The following USP42 variants were observed in gnomAD, a reference collection of about 807,000 sequenced individuals.
The protein encoded by USP42 is ubiquitin carboxyl-terminal hydrolase 42.
A neutral mutation model predicts 113.0 loss-of-function variants in USP42; 23 were observed. The observed-to-expected ratio is 0.20, with a 90% CI of 0.15 to 0.29. The LOEUF (loss-of-function observed/expected upper bound fraction) is 0.29, where lower values mean the gene tolerates loss of function less well. Ranked by LOEUF, USP42 falls within the 10% of genes least tolerant of loss-of-function variation. The pLI is 1.00. For synonymous variants in USP42, 933 were observed against 699.0 expected (o/e 1.33, Z -5.28); for missense variants, 2,174 against 1,779.8 (o/e 1.22, Z -3.99).
chr7:6,096,488 A>C, the USP42 span, among the ~76,000 whole-genome samples: 1 of 151,216 alleles, frequency 6.6e-6, no homozygotes, highest in African/African-American at 2.5e-5. Flanking sequence ...ATAACTTCTC[A>C]CGGGATGGAT....
intron 3 of USP42, among the ~76,000 whole-genome samples, chr7:6,128,550 G>C (rs1469546447): frequency 6.6e-6 from 1 of 152,040 alleles, no homozygotes; most frequent in African/African-American, 2.4e-5. Flanking sequence ...CGTATCGTTG[G>C]GTTGTGCTGT....
chr7:6,149,793 C>T lies in USP42; in HGVS notation c.1597C>T (p.Arg533Cys). 1 of 1,614,014 alleles carries T rather than the reference C, an allele frequency of 6.2e-7. No individual in the cohort carries two copies. The highest frequency in any genetic ancestry group is 8.5e-7 in the Non-Finnish European group (1 of 1,179,896). The change falls in exon 13 of 18, where the codon CGC becomes TGC. Residue 533 changes from arginine to cysteine, a missense_variant. By Grantham distance (180) the Arg-to-Cys change is radical (BLOSUM62 -3). Coordinates refer to ENST00000306177, the MANE Select transcript of USP42 (RefSeq NM_032172.3). Reference protein sequence around the residue: ...TISIHNKLPVRQCQSQPNLHS... With the variant: ...TISIHNKLPVCQCQSQPNLHS... Reference sequence around the variant, plus strand: ...CAGTATTCACAACAAGTTGCCTGTTCGCCAGTGTCAGTCTCAACCTAACCT... The same window carrying T: ...CAGTATTCACAACAAGTTGCCTGTTTGCCAGTGTCAGTCTCAACCTAACCT...
intron 3 of USP42, among the ~76,000 whole-genome samples, chr7:6,124,360 C>G (rs1486776821): frequency 2.0e-5 from 3 of 152,174 alleles, no homozygotes; most frequent in South Asian, 2.1e-4. Context: ...CTTCACTTCC[C>G]AGGTTCAAGT....
At position 6,153,830 on chromosome 7, in the gene USP42, C is replaced by A. The variant is rs756122796; in HGVS notation, c.2276C>A (p.Ser759Tyr). The change falls in exon 15 of 18, where the codon TCC becomes TAC. Residue 759 changes from serine to tyrosine, a missense_variant. Coordinates refer to ENST00000306177, the MANE Select transcript of USP42 (RefSeq NM_032172.3). ...EPQPGSPAAE[S>Y]LEEPDAAAGL... ...CAGCCTGGCAGCCCCGCCGCCGAAT[C>A]CCTGGAGGAGCCAGATGCGGCCGCC... The A allele has an allele frequency of 2.6e-6, 4 of 1,541,396 alleles. No homozygotes were observed. The highest frequency in any genetic ancestry group is 3.5e-6 in the Non-Finnish European group (4 of 1,142,924).
chr7:6,132,434 T>C (rs1367902576), intron 3 of USP42, among the ~76,000 whole-genome samples: 1 of 152,042 alleles, frequency 6.6e-6, no homozygotes, highest in Non-Finnish European at 1.5e-5. Context: ...CTCAGCTCAC[T>C]GCAACCTCTG....
At position 6,159,635 on chromosome 7, in the gene USP42, C is replaced by T. The variant is rs1279868774; in HGVS notation, c.*36+142C>T. 3 of 780,310 alleles carry T rather than the reference C, an allele frequency of 3.8e-6. No individual in the cohort carries two copies. Among genetic ancestry groups the T allele is most frequent in the Non-Finnish European group, 6.2e-6 (3 of 486,344 alleles). 48.3% of individuals were successfully genotyped at this position (780,310 alleles called of 1,614,324 possible). The stretch of plus-strand genomic sequence containing the variant: ...GCCATGGAGAGGCCCCGGCAGGTTC[C>T]CAGCCAGCCCAGACCCAGGCCACGC... On this transcript the variant is annotated intron_variant, in intron 17 of 17. Transcript: ENST00000306177. The surrounding 1 kb of genome is among the most constrained non-coding windows in gnomAD (Gnocchi z 4.1).
At chr7:6,141,580 A>T (rs1296420875) in intron 7 of USP42, among the ~76,000 whole-genome samples, 3 of 148,956 alleles carry the variant, frequency 2.0e-5, no homozygotes, top group Admixed American at 1.3e-4. Context: ...TTTTTTTGAG[A>T]TGGAGTCTTG....
rs1053827693 is a variant in USP42 at position 6,139,605 on chromosome 7, C to A, written c.656+411C>A. On this transcript the variant is annotated intron_variant, in intron 5 of 17. Coordinates refer to ENST00000306177, the MANE Select transcript of USP42 (RefSeq NM_032172.3). The surrounding 1 kb of genome is among the most constrained non-coding windows in gnomAD (Gnocchi z 4.5). ...CAGTTACTGATTCTTGTAGCTAGTT[C>A]CTTAAAATCTAAATGCAGACTCAAG... 10 of 199,918 alleles carry A rather than the reference C, an allele frequency of 5.0e-5. No individual in the cohort carries two copies. The allele number at this position is 199,918 out of a possible 1,614,324, so 12.4% of individuals were successfully genotyped here.
At chr7:6,155,709 G>C (rs1343154053) in intron 15 of USP42, among the ~76,000 whole-genome samples, 1 of 152,082 alleles carries the variant, frequency 6.6e-6, no homozygotes, top group Non-Finnish European at 1.5e-5. Context: ...CTCGGCCTTT[G>C]TTTTTGTCTC....
intron 4 of USP42, 80 bp downstream of exon 4, chr7:6,136,031 GT>G: frequency 1.2e-6 from 1 of 850,794 alleles, no homozygotes; most frequent in Non-Finnish European, 1.7e-6. Context: ...TCGAGACAGA[GT>G]CTTGCTCTGT....
intron 3 of USP42, among the ~76,000 whole-genome samples, chr7:6,117,580 C>G (rs1306331409): frequency 6.6e-6 from 1 of 152,170 alleles, no homozygotes; most frequent in Non-Finnish European, 1.5e-5. Context: ...TGGCTTGGTC[C>G]TGGGGTGGGT....
intron 3 of USP42, among the ~76,000 whole-genome samples, chr7:6,134,295 G>A (rs1321674528): frequency 2.0e-5 from 3 of 151,988 alleles, no homozygotes; most frequent in African/African-American, 7.3e-5. Flanking sequence ...TATATTTTCT[G>A]TGTTATTTCT....
chr7:6,102,410 ATTCTAC>A (rs888147384), upstream of USP42, among the ~76,000 whole-genome samples: 1 of 148,448 alleles, frequency 6.7e-6, no homozygotes, highest in Non-Finnish European at 1.5e-5. Context: ...CCACGCCCAG[ATTCTAC>A]TAAGATTTAA....
intron 3 of USP42, among the ~76,000 whole-genome samples, chr7:6,123,555 G>A (rs1055370881): frequency 5.9e-5 from 9 of 152,010 alleles, no homozygotes; most frequent in Non-Finnish European, 1.3e-4. Flanking sequence ...CCAGCTACTC[G>A]GGAGGCTGAG....
intron 3 of USP42, among the ~76,000 whole-genome samples, chr7:6,118,966 G>C (rs914663152): frequency 3.3e-5 from 5 of 151,842 alleles, no homozygotes; most frequent in African/African-American, 1.2e-4. Context: ...TGTAATCTCA[G>C]TGTTTTGGGA....
intron 12 of USP42, among the ~76,000 whole-genome samples, chr7:6,148,736 TC>T (rs1220125165): frequency 6.6e-6 from 1 of 152,142 alleles, no homozygotes; most frequent in Non-Finnish European, 1.5e-5. Context: ...TTTTGGATGA[TC>T]ACACACACGG....
intron 2 of USP42, among the ~76,000 whole-genome samples, chr7:6,112,980 T>TGCAATCTCTGCCTGCTGGGTTCAA (rs1261566034): frequency 6.9e-6 from 1 of 145,896 alleles, no homozygotes; most frequent in African/African-American, 2.6e-5. Context: ...CTCGGCTCAC[T>TGCAATCTCTGCCTGCTGGGTTCAA]GCAATCTCTG....
the USP42 span, among the ~76,000 whole-genome samples, chr7:6,095,731 C>T: frequency 6.6e-6 from 1 of 151,010 alleles, no homozygotes; most frequent in African/African-American, 2.5e-5. Flanking sequence ...CTACTGTGTA[C>T]ACTTGCATGG....
rs1438340854 is a variant in USP42 at position 6,154,411 on chromosome 7, T to C, written c.2857T>C (p.Tyr953His). 1.9e-6 allele frequency: 3 copies of C among 1,576,244 alleles called. No individual in the cohort carries two copies. Among genetic ancestry groups the C allele is most frequent in the Non-Finnish European group, 2.6e-6 (3 of 1,162,784 alleles). The change falls in exon 15 of 18, where the codon TAC (tyrosine) becomes CAC (histidine). Residue 953 changes from tyrosine (Y) to histidine (H), a missense_variant. Transcript: ENST00000306177. ...CCTCAGAAAGGTGGACCGAGGCCAC[T>C]ACCGCAGCCGGAGAGAGCGCTCGTC... ...GSLRKVDRGH[Y>H]RSRRERSSSG... is the part of the protein sequence containing the mutation.
Sources: allele counts gnomAD v4.1 joint callset (sites outside exome capture counted in the v4.1 genomes callset), GRCh38; gene constraint gnomAD v4.1.1; non-coding constraint Gnocchi (gnomAD v3.1); transcripts MANE v1.5; gene names NCBI Gene and HGNC (gene_info 2026-07-23, HGNC 2026-07-21).